Variants in CP observed in about 807,000 individuals in gnomAD.
CP encodes caeruloplasmin.
CP carries 64 observed loss-of-function variants against 122.4 expected under a neutral mutation model. That is an observed-to-expected ratio of 0.52 (90% CI 0.43 to 0.64). CP has a LOEUF of 0.64. Among genes scored for constraint, CP ranks in the 30% least tolerant of loss-of-function variants. The probability of loss-of-function intolerance (pLI) is 0.00; values close to 1 mark genes in which losing one functional copy is unlikely to be tolerated. For synonymous variants in CP, 440 were observed against 436.4 expected (o/e 1.01, Z -0.10); for missense variants, 1,167 against 1,284.4 (o/e 0.91, Z 1.40).
chr3:149,173,811 C>A (rs1725216345), intron 18 of CP, 81 bp from the exon 19 acceptor site: 1 of 681,768 alleles, frequency 1.5e-6, no homozygotes. Flanking sequence ...AAATGTATTC[C>A]AATTTTTAAT....
chr3:149,218,455 A>G (rs1051496406), intron 1 of CP, among the ~76,000 whole-genome samples: 1 of 152,180 alleles, frequency 6.6e-6, no homozygotes, highest in African/African-American at 2.4e-5. Context: ...TTTTAGAAAT[A>G]AATATTATTG....
intron 2 of CP, 93 bp from the exon 3 acceptor site, chr3:149,210,472 A>G (rs1370152259): frequency 5.6e-6 from 6 of 1,079,568 alleles, no homozygotes; most frequent in Non-Finnish European, 8.5e-6. Context: ...GCAAACATTT[A>G]TTAAACATCT....
intron 9 of CP, 27 bp downstream of exon 9, chr3:149,198,339 CA>C (rs1288695580): frequency 1.9e-6 from 3 of 1,563,118 alleles, no homozygotes; most frequent in East Asian, 2.2e-5. Flanking sequence ...AGAGATTGAA[CA>C]ATTTTTTTTT....
intron 9 of CP, among the ~76,000 whole-genome samples, chr3:149,191,774 A>G (rs956770904): frequency 6.6e-6 from 1 of 152,140 alleles, no homozygotes; most frequent in Non-Finnish European, 1.5e-5. Flanking sequence ...TTAAGCAATT[A>G]ACAGCTGTTT....
intron 1 of CP, among the ~76,000 whole-genome samples, chr3:149,217,220 T>A (rs1728520331): frequency 6.6e-6 from 1 of 152,156 alleles, no homozygotes; most frequent in African/African-American, 2.4e-5. Flanking sequence ...TATTTTTTAT[T>A]TGGCAACCTT....
rs537771798 is a variant in CP at position 149,204,623 on chromosome 3, A to T, written c.1208+1545T>A. ...CACAGGTCTGGGCTGAGCAAGTCCT[A>T]GCTATCCATTTATTGTGTGATGTTG... On this transcript the variant is annotated intron_variant, in intron 6 of 18. Coordinates refer to ENST00000264613, the MANE Select transcript of CP (RefSeq NM_000096.4). 3.3e-5 allele frequency among the ~76,000 whole-genome samples: 5 copies of T among 152,346 alleles called. No homozygotes were observed. In the East Asian group the frequency reaches 9.6e-4, roughly 29 times the overall value.
At chr3:149,182,240 T>C in intron 13 of CP, 107 bp from the exon 14 acceptor site, 1 of 1,215,096 alleles carries the variant, frequency 8.2e-7, no homozygotes, top group Non-Finnish European at 1.2e-6. Flanking sequence ...GTTTGTGGTA[T>C]AATACTCTTG....
At position 149,219,807 on chromosome 3, in the gene CP, T is replaced by C. The variant is rs141715740; in HGVS notation, c.146+1840A>G. On this transcript the variant is annotated intron_variant, in intron 1 of 18. Coordinates refer to ENST00000264613, the MANE Select transcript of CP (RefSeq NM_000096.4). ...ATAGTTTGGAGGGCTCAGAAGAAGA[T>C]AGCAAGATGTGGGAAAGTTTGGAAC... Among the ~76,000 whole-genome samples the C allele has an allele frequency of 2.8e-3, 422 of 151,992 alleles. 4 individuals are homozygous for C. The highest frequency in any genetic ancestry group is 9.6e-3 in the African/African-American group (400 of 41,464).
chr3:149,190,981 A>G (rs1267637783), intron 9 of CP, among the ~76,000 whole-genome samples: 1 of 152,188 alleles, frequency 6.6e-6, no homozygotes, highest in African/African-American at 2.4e-5. Context: ...CCAGAGTGCA[A>G]GGATAGTTTA....
At chr3:149,164,005 A>G in intron 5 of CP, 4 of 934,546 alleles carry the variant, frequency 4.3e-6, no homozygotes, top group Non-Finnish European at 6.9e-6. Flanking sequence ...ATAGTGTAAG[A>G]TTAAATTTGC....
intron 2 of CP, among the ~76,000 whole-genome samples, chr3:149,210,988 C>A (rs1000594688): frequency 6.6e-6 from 1 of 152,098 alleles, no homozygotes; most frequent in Non-Finnish European, 1.5e-5. Flanking sequence ...AGATAGGAAC[C>A]CTTTTTTTCT....
In CP at chr3:149,206,293, T is replaced by G; in HGVS notation, c.1083A>C (p.Ser361=). ...GCTTCCCACGGATATTATCCTTTGATGAAGACTTGTTACACTCCTGGACCT... is the reference window on the plus strand; with the variant it reads ...GCTTCCCACGGATATTATCCTTTGAGGAAGACTTGTTACACTCCTGGACCT... ...FFQVQECNKS[S]SKDNIRGKHV... The change falls in exon 6 of 19, where the codon TCA becomes TCC. Residue 361 remains serine (S), a synonymous_variant. Coordinates refer to ENST00000264613, the MANE Select transcript of CP (RefSeq NM_000096.4). 2 of 1,614,018 alleles carry G rather than the reference T, an allele frequency of 1.2e-6. No homozygotes were observed. Among genetic ancestry groups the G allele is most frequent in the East Asian group, 4.5e-5 (2 of 44,864 alleles).
intron 6 of CP, among the ~76,000 whole-genome samples, chr3:149,204,568 G>A (rs970602813): frequency 6.6e-6 from 1 of 152,198 alleles, no homozygotes. Context: ...TGTCAGTGTA[G>A]CATGGGACTT....
chr3:149,162,926 T>C, intron 5 of CP: 1 of 1,355,936 alleles, frequency 7.4e-7, no homozygotes, highest in Non-Finnish European at 1.1e-6. Flanking sequence ...CATTGCCCAT[T>C]ACAAAAACAT....
rs60917262 is a variant in CP, at chr3:149,210,106, G to C, written c.607+61C>G. On this transcript the variant is annotated intron_variant, in intron 3 of 18. Coordinates refer to ENST00000264613, the MANE Select transcript of CP (RefSeq NM_000096.4). ...CAGAAGACTTGATTTCTTTTTAAAAGACAAACTGCCCTGCCCCTGTCTTTT... is the reference window on the plus strand; with the variant it reads ...CAGAAGACTTGATTTCTTTTTAAAACACAAACTGCCCTGCCCCTGTCTTTT... 2.6e-6 allele frequency: 4 copies of C among 1,539,922 alleles called. No homozygotes were observed. The East Asian group carries it at 9.0e-5, about 35-fold the overall frequency.
chr3:149,182,956 G>A (rs1725883039), intron 13 of CP, among the ~76,000 whole-genome samples: 1 of 152,012 alleles, frequency 6.6e-6, no homozygotes, highest in South Asian at 2.1e-4. Context: ...TTTGAGACCA[G>A]CCTGGCCAAC....
Position 149,206,177 on chromosome 3 carries a change from G to T in CP, c.1199C>A (p.Ala400Glu), listed in dbSNP as rs1446212124. ...TTTTTTTGTAAATTACCTTCCAGGT[G>T]CTGTTAAGTTTTCTTTAGTGAAGAT... ...IDIFTKENLT[A>E]PGSDSAVFFE... is the part of the protein sequence containing the mutation. Residue 400 changes from alanine (A) to glutamate (E), a missense_variant, in exon 6 of 19, where the codon GCA (alanine) becomes GAA (glutamate). Physicochemically the swap from Ala to Glu is moderately radical, Grantham distance 107. Coordinates refer to ENST00000264613, the MANE Select transcript of CP (RefSeq NM_000096.4). The T allele has an allele frequency of 6.2e-7, 1 of 1,613,788 alleles. No individual in the cohort carries two copies. The highest frequency in any genetic ancestry group is 8.5e-7 in the Non-Finnish European group (1 of 1,179,728).
intron 18 of CP, among the ~76,000 whole-genome samples, chr3:149,174,661 T>C (rs1296083461): frequency 1.3e-5 from 2 of 152,210 alleles, no homozygotes; most frequent in South Asian, 2.1e-4. Flanking sequence ...AGTCCCTGCC[T>C]GTAAGAAATT....
At chr3:149,167,331 A>G in intron 4 of CP, 2 of 982,518 alleles carry the variant, frequency 2.0e-6, no homozygotes, top group Non-Finnish European at 3.1e-6. Flanking sequence ...GGGACAATTT[A>G]TGCTAATCCA....
Sources: allele counts gnomAD v4.1 joint callset (sites outside exome capture counted in the v4.1 genomes callset), GRCh38; gene constraint gnomAD v4.1.1; transcripts MANE v1.5; gene names NCBI Gene and HGNC (gene_info 2026-07-23, HGNC 2026-07-21).